The following PRELID2 variants were observed in gnomAD, a reference collection of about 807,000 sequenced individuals.
PRELID2 encodes the protein PRELI domain-containing protein 2.
In PRELID2, 25 loss-of-function variants were observed where a neutral mutation model predicts 28.4. The ratio of observed to expected loss-of-function variants is 0.88; its 90% CI spans 0.64 to 1.23. PRELID2 has a LOEUF of 1.23. Ranked by LOEUF, PRELID2 falls within the 50% of genes most tolerant of loss-of-function variation. The probability of loss-of-function intolerance (pLI) is 0.00; values close to 1 mark genes in which losing one functional copy is unlikely to be tolerated. For missense variants in PRELID2, 201 were observed against 214.4 expected, an observed-to-expected ratio of 0.94 and a Z score of 0.39; for synonymous variants, 76 against 71.6, an observed-to-expected ratio of 1.06 and a Z score of -0.31.
intron 1 of PRELID2, among the ~76,000 whole-genome samples, chr5:145,680,481 C>T (rs1363826340): frequency 6.6e-6 from 1 of 152,090 alleles, no homozygotes; most frequent in African/African-American, 2.4e-5. Context: ...GAATTGGGAT[C>T]CAGTGTGAAT....
At chr5:145,406,917 G>A in the PRELID2 span, among the ~76,000 whole-genome samples, 15 of 152,132 alleles carry the variant, frequency 9.9e-5, no homozygotes, top group African/African-American at 3.6e-4. Context: ...AGCCCTGTGG[G>A]CACTCCCAGT....
At chr5:145,763,288 G>A (rs1757566804) in intron 6 of PRELID2, among the ~76,000 whole-genome samples, 1 of 152,198 alleles carries the variant, frequency 6.6e-6, no homozygotes, top group Non-Finnish European at 1.5e-5. Flanking sequence ...GAAAACCAGG[G>A]AGATGTGGCC....
intron 1 of PRELID2, among the ~76,000 whole-genome samples, chr5:145,699,616 T>C (rs1390450417): frequency 6.6e-6 from 1 of 152,186 alleles, no homozygotes; most frequent in African/African-American, 2.4e-5. Context: ...CATTTCAGTT[T>C]GTGTGACACT....
intron 6 of PRELID2, 62 bp from the exon 7 acceptor site, chr5:145,760,587 T>C (rs1457402940): frequency 1.3e-5 from 2 of 152,200 alleles, no homozygotes; most frequent in Admixed American, 6.5e-5. Flanking sequence ...TCAATACTTA[T>C]TTGCCCTCTT....
chr5:145,375,826 C>G, the PRELID2 span, among the ~76,000 whole-genome samples: 1 of 152,196 alleles, frequency 6.6e-6, no homozygotes, highest in Non-Finnish European at 1.5e-5. Context: ...CCCCTTGGCT[C>G]CAGCAGGGGA....
intron 1 of PRELID2, among the ~76,000 whole-genome samples, chr5:145,578,297 C>T (rs1024682222): frequency 6.6e-6 from 1 of 152,074 alleles, no homozygotes; most frequent in African/African-American, 2.4e-5. Context: ...ACATGTGCTC[C>T]CCAACATACC....
At chr5:145,825,715 G>A (rs555206897) in intron 1 of PRELID2, among the ~76,000 whole-genome samples, 2 of 152,174 alleles carry the variant, frequency 1.3e-5, no homozygotes, top group Non-Finnish European at 2.9e-5. Context: ...AATTTTTGGA[G>A]TTGAACAGCC....
chr5:145,486,602 C>A lies in PRELID2; in HGVS notation n.71-13287G>T, dbSNP rs537640032. 3.9e-5 allele frequency among the ~76,000 whole-genome samples: 6 copies of A among 152,122 alleles called. No individual in the cohort carries two copies. The South Asian group carries it at 1.2e-3, about 32-fold the overall frequency. ...TCTTGGGGAAAATTCAGTCTGGGCA[C>A]ATGTAGAATGTAAGGTGGCATGTGC... On this transcript the variant is annotated intron_variant and non_coding_transcript_variant, in intron 1 of 2. Coordinates refer to the PRELID2 transcript ENST00000510259.
intron 1 of PRELID2, among the ~76,000 whole-genome samples, chr5:145,478,944 A>G (rs1752132433): frequency 6.6e-6 from 1 of 152,170 alleles, no homozygotes; most frequent in South Asian, 2.1e-4. Context: ...GTGCAATAGA[A>G]AAAGCTTTGA....
At chr5:145,310,053 G>T in the PRELID2 span, among the ~76,000 whole-genome samples, 3 of 152,156 alleles carry the variant, frequency 2.0e-5, no homozygotes, top group African/African-American at 7.2e-5. Context: ...TGCAGCCTTG[G>T]ACAAGTTAGT....
At chr5:145,398,658 G>A in the PRELID2 span, among the ~76,000 whole-genome samples, 1 of 152,106 alleles carries the variant, frequency 6.6e-6, no homozygotes, top group East Asian at 1.9e-4. Flanking sequence ...TCTAGGTGGT[G>A]AGGACATAGC....
At chr5:145,743,083 G>A (rs565758617) in intron 1 of PRELID2, among the ~76,000 whole-genome samples, 3 of 152,022 alleles carry the variant, frequency 2.0e-5, no homozygotes, top group South Asian at 2.1e-4. Flanking sequence ...CTAAAATGAC[G>A]GACTAGAAAT....
the PRELID2 span, among the ~76,000 whole-genome samples, chr5:145,246,343 T>C: frequency 3.3e-5 from 5 of 152,242 alleles, no homozygotes; most frequent in South Asian, 1.0e-3. Context: ...GTACCGGGGA[T>C]ATAATAGTGA....
the PRELID2 span, among the ~76,000 whole-genome samples, chr5:145,295,894 T>C: frequency 3.3e-5 from 5 of 152,140 alleles, no homozygotes; most frequent in Non-Finnish European, 5.9e-5. Flanking sequence ...TTTGTGAGAA[T>C]TTGAGAAAAG....
intron 1 of PRELID2, among the ~76,000 whole-genome samples, chr5:145,714,096 C>A (rs1755779288): frequency 6.6e-6 from 1 of 151,922 alleles, no homozygotes; most frequent in Admixed American, 6.6e-5. Flanking sequence ...AAACAATAAA[C>A]CTTTATTTTT....
At chr5:145,347,657 T>C in the PRELID2 span, among the ~76,000 whole-genome samples, 49 of 152,194 alleles carry the variant, frequency 3.2e-4, no homozygotes, top group African/African-American at 1.2e-3. Flanking sequence ...TGGTTGAGGG[T>C]TCATTCTTTC....
intron 1 of PRELID2, among the ~76,000 whole-genome samples, chr5:145,516,312 T>A (rs924022437): frequency 3.3e-5 from 5 of 152,182 alleles, no homozygotes; most frequent in African/African-American, 1.2e-4. Context: ...ACAAAATCAA[T>A]GTGCAAAAAT....
chr5:145,729,805 A>G (rs1346909350), intron 1 of PRELID2, among the ~76,000 whole-genome samples: 1 of 152,136 alleles, frequency 6.6e-6, no homozygotes, highest in African/African-American at 2.4e-5. Flanking sequence ...GTGGAGTCAA[A>G]AGAATGAGAA....
chr5:145,729,572 A>C (rs1230367583), intron 1 of PRELID2, among the ~76,000 whole-genome samples: 1 of 152,032 alleles, frequency 6.6e-6, no homozygotes, highest in Non-Finnish European at 1.5e-5. Context: ...AAGTAAGCAG[A>C]ATGTTTGCTT....
Sources: allele counts gnomAD v4.1 joint callset (sites outside exome capture counted in the v4.1 genomes callset), GRCh38; gene constraint gnomAD v4.1.1; transcripts MANE v1.5; gene names NCBI Gene and HGNC (gene_info 2026-07-23, HGNC 2026-07-21).